The following PUDP variants were observed in gnomAD, a reference collection of about 807,000 sequenced individuals.
The protein encoded by PUDP is pseudouridine-5'-phosphatase.
PUDP carries 8 observed loss-of-function variants against 9.4 expected under a neutral mutation model. The ratio of observed to expected loss-of-function variants is 0.85; its 90% CI spans 0.50 to 1.53. The LOEUF is 1.53. Among genes scored for constraint, PUDP ranks in the 40% most tolerant of loss-of-function variants. The pLI is 0.00. For synonymous variants in PUDP, 99 were observed against 80.7 expected, an observed-to-expected ratio of 1.23 and a Z score of -1.22; for missense variants, 188 against 189.7, an observed-to-expected ratio of 0.99 and a Z score of 0.05.
At chrX:7,125,558 C>T (rs1932462962) in intron 1 of PUDP, among the ~76,000 whole-genome samples, 1 of 111,825 alleles carries the variant, frequency 8.9e-6, no homozygotes, top group Non-Finnish European at 1.9e-5. Context: ...CACTTCTATT[C>T]TTTTTCAGTG....
intron 1 of PUDP, among the ~76,000 whole-genome samples, chrX:7,003,901 G>C (rs1458555105): frequency 9.0e-6 from 1 of 111,256 alleles, no homozygotes; most frequent in Admixed American, 9.5e-5. Context: ...TTTTGAGATA[G>C]GGTCTCACTC....
chrX:6,819,980 TA>T (rs202141017), intron 3 of PUDP, among the ~76,000 whole-genome samples: 6 of 108,050 alleles, frequency 5.6e-5, no homozygotes, highest in East Asian at 2.9e-4. Flanking sequence ...AAAATATATA[TA>T]TTTTTTTCGC....
Position 7,077,399 on chromosome X carries a change from G to A in PUDP, c.331C>T (p.Leu111=). 1.7e-6 allele frequency: 2 copies of A among 1,211,274 alleles called. No individual in the cohort carries two copies. Among genetic ancestry groups the A allele is most frequent in the Non-Finnish European group, 2.2e-6 (2 of 895,166 alleles). ...HLRKHGIPFA[L]ATSSGSASFD... is the part of the protein sequence containing the mutation. ...GACGCGGACCCCGAGCTGGTGGCCAGTGCAAAGGGGATGCCATGTTTCCGC... is the reference window on the plus strand; with the variant it reads ...GACGCGGACCCCGAGCTGGTGGCCAATGCAAAGGGGATGCCATGTTTCCGC... Residue 111 remains leucine, a synonymous_variant, in exon 3 of 4, where the codon CTG becomes TTG. Transcript: ENST00000381077.
chrX:7,049,659 C>G lies in PUDP; in HGVS notation c.*637G>C, dbSNP rs1569145392. The stretch of plus-strand genomic sequence containing the variant: ...GAGTGCTCATCAAAAACAGGACTTT[C>G]CCACTCAGACTGCAAACCAGGCAGA... On this transcript the variant is annotated 3_prime_UTR_variant, in exon 4 of 4. Coordinates refer to ENST00000381077, the MANE Select transcript of PUDP (RefSeq NM_012080.5). 8.9e-6 allele frequency: 1 copy of G among 112,177 alleles called. No homozygotes were observed. 9.2% of individuals were successfully genotyped at this position (112,177 alleles called of 1,213,427 possible).
intron 1 of PUDP, among the ~76,000 whole-genome samples, chrX:7,133,403 G>GA (rs1162250762): frequency 1.8e-5 from 2 of 112,169 alleles, no homozygotes; most frequent in Non-Finnish European, 3.8e-5. Context: ...AGGAGGAAAA[G>GA]AAAGCTATGG....
intron 1 of PUDP, among the ~76,000 whole-genome samples, chrX:6,720,168 A>ATATATATGTGTG (rs1924646711): frequency 9.9e-6 from 1 of 101,055 alleles, no homozygotes; most frequent in Admixed American, 1.1e-4. Context: ...ATATATGTGT[A>ATATATATGTGTG]TATATATGTG....
chrX:7,052,283 C>T (rs1426542627), intron 3 of PUDP, among the ~76,000 whole-genome samples: 4 of 111,017 alleles, frequency 3.6e-5, no homozygotes, highest in South Asian at 3.8e-4. Context: ...GTGATCTGCC[C>T]GCCTCGGCCT....
intron 3 of PUDP, among the ~76,000 whole-genome samples, chrX:6,863,027 T>C (rs1438434145): frequency 2.7e-5 from 3 of 111,761 alleles, no homozygotes; most frequent in Non-Finnish European, 3.8e-5. Flanking sequence ...ATATGATCAC[T>C]TCATTATGTA....
At chrX:6,770,952 C>T (rs1446996109) in intron 3 of PUDP, among the ~76,000 whole-genome samples, 9 of 111,775 alleles carry the variant, frequency 8.1e-5, no homozygotes, top group Non-Finnish European at 3.8e-5. Context: ...AAGTCAACCT[C>T]TCCCCCTTCT....
chrX:6,953,973 C>T (rs988601557), intron 3 of PUDP, among the ~76,000 whole-genome samples: 2 of 110,404 alleles, frequency 1.8e-5, no homozygotes, highest in Non-Finnish European at 3.8e-5. Flanking sequence ...TGAGTCCTCA[C>T]GAGATCCGAT....
intron 3 of PUDP, among the ~76,000 whole-genome samples, chrX:6,728,221 C>T (rs1335754139): frequency 5.4e-5 from 6 of 110,692 alleles, no homozygotes; most frequent in Non-Finnish European, 9.4e-5. Context: ...TGGAGGAAAC[C>T]GCCCCCCATG....
At chrX:7,057,905 G>A in intron 3 of PUDP, 2 of 647,554 alleles carry the variant, frequency 3.1e-6, no homozygotes, top group South Asian at 5.5e-5. Context: ...GGAAGGAGAA[G>A]GGCCCGCGGC....
downstream of PUDP, among the ~76,000 whole-genome samples, chrX:7,044,611 G>T (rs957586331): frequency 8.1e-5 from 9 of 111,794 alleles, no homozygotes; most frequent in African/African-American, 2.9e-4. Context: ...TCAGACTTGG[G>T]GATATTAAGA....
intron 2 of PUDP, among the ~76,000 whole-genome samples, chrX:7,101,660 G>A (rs1354340915): frequency 8.9e-6 from 1 of 111,899 alleles, no homozygotes; most frequent in Non-Finnish European, 1.9e-5. Context: ...AAAGGCTTGG[G>A]TAGATATGGA....
rs1333423075 is a variant in PUDP, at chrX:6,820,376, G to A, written c.*248-113910C>T. ...ATCTCACGTCTTCACATTTCGAAAC[G>A]AATCATGCCTTCCCAACAGTTCCCC... On this transcript the variant is annotated intron_variant and NMD_transcript_variant, in intron 3 of 3. Coordinates refer to the PUDP transcript ENST00000655425. Among the ~76,000 whole-genome samples, 6 of 110,574 alleles carry A rather than the reference G, an allele frequency of 5.4e-5. 1 individual carries two copies. Among genetic ancestry groups the A allele is most frequent in the Admixed American group, 3.9e-4 (4 of 10,316 alleles).
intron 1 of PUDP, among the ~76,000 whole-genome samples, chrX:7,138,332 G>A (rs1932769231): frequency 9.1e-6 from 1 of 110,222 alleles, no homozygotes; most frequent in Non-Finnish European, 1.9e-5. Context: ...TGGGCACCCA[G>A]TTTAAGAAAT....
chrX:7,114,993 C>T (rs960601581), intron 1 of PUDP, among the ~76,000 whole-genome samples: 1 of 112,108 alleles, frequency 8.9e-6, no homozygotes, highest in African/African-American at 3.2e-5. Context: ...AAAATAAGGA[C>T]CCTTAAACAT....
At chrX:7,133,799 T>C (rs1402055591) in intron 1 of PUDP, among the ~76,000 whole-genome samples, 1 of 112,142 alleles carries the variant, frequency 8.9e-6, no homozygotes, top group Non-Finnish European at 1.9e-5. Context: ...TTCTGTATTA[T>C]AGATGTGATC....
Position 6,974,412 on chromosome X carries a change from A to G in PUDP, c.*247+2721T>C, listed in dbSNP as rs1240763614. 4.5e-5 allele frequency among the ~76,000 whole-genome samples: 5 copies of G among 111,982 alleles called. No individual in the cohort carries two copies. In the Admixed American group the frequency reaches 4.7e-4, roughly 11 times the overall value. On this transcript the variant is annotated intron_variant and NMD_transcript_variant, in intron 3 of 3. Transcript: ENST00000655425. ...CTCTTGTAAGGCAGGCCTGGTGGTG[A>G]CAAAATCTCTCAGCAATTGCTTGTC...
Sources: allele counts gnomAD v4.1 joint callset (sites outside exome capture counted in the v4.1 genomes callset), GRCh38; gene constraint gnomAD v4.1.1; transcripts MANE v1.5; gene names NCBI Gene and HGNC (gene_info 2026-07-23, HGNC 2026-07-21).